Variants in SPATA6L observed in about 807,000 individuals in gnomAD.
SPATA6L encodes the protein spermatogenesis associated 6-like protein.
Under a neutral mutation model 49.2 loss-of-function variants are expected in SPATA6L, and 68 were observed. The ratio of observed to expected loss-of-function variants is 1.38; its 90% CI spans 1.14 to 1.69. The LOEUF (loss-of-function observed/expected upper bound fraction) is 1.69, where lower values mean the gene tolerates loss of function less well. Ranked by LOEUF, SPATA6L falls within the 40% of genes most tolerant of loss-of-function variation. SPATA6L has a pLI of 0.00. For missense variants in SPATA6L, 668 were observed against 464.3 expected (o/e 1.44, Z -4.03); for synonymous variants, 198 against 165.7 (o/e 1.19, Z -1.50).
rs1824536361 is a variant in SPATA6L at position 4,605,446 on chromosome 9, C to T, written c.996-6G>A. ...ACTGAGAACCAGGATGGAACCTGCT[C>T]AACAGATGGAACAGGGTGGAATATT... On this transcript the variant is annotated splice_polypyrimidine_tract_variant and splice_region_variant and intron_variant, in intron 9 of 11. Coordinates refer to ENST00000682582, the MANE Select transcript of SPATA6L (RefSeq NM_001353486.2). 1 of 1,608,256 alleles carries T rather than the reference C, an allele frequency of 6.2e-7. No individual in the cohort carries two copies. Among genetic ancestry groups the T allele is most frequent in the Non-Finnish European group, 8.5e-7 (1 of 1,174,726 alleles).
At chr9:4,637,630 C>T (rs12347224) in intron 3 of SPATA6L, among the ~76,000 whole-genome samples, 2,738 of 152,276 alleles carry the variant, frequency 0.018, 91 homozygotes, top group African/African-American at 0.057. Flanking sequence ...AACAAGCCCC[C>T]TGAAATATCA....
chr9:4,592,715 C>G (rs932771303), intron 13 of SPATA6L, among the ~76,000 whole-genome samples: 6 of 152,208 alleles, frequency 3.9e-5, no homozygotes, highest in Non-Finnish European at 7.3e-5. Flanking sequence ...ATAGTTAATA[C>G]TGCATTGTAT....
intron 3 of SPATA6L, among the ~76,000 whole-genome samples, chr9:4,647,047 T>G (rs1835548617): frequency 6.6e-6 from 1 of 151,072 alleles, no homozygotes; most frequent in African/African-American, 2.4e-5. Flanking sequence ...AACCTGCACA[T>G]ATACCCCTAA....
chr9:4,650,562 C>A (rs1196483925), intron 3 of SPATA6L, among the ~76,000 whole-genome samples: 1 of 152,088 alleles, frequency 6.6e-6, no homozygotes, highest in African/African-American at 2.4e-5. Flanking sequence ...AACTGACAAA[C>A]CTTTAGCTAC....
intron 4 of SPATA6L, among the ~76,000 whole-genome samples, chr9:4,631,705 T>C (rs563337216): frequency 2.0e-5 from 3 of 152,232 alleles, no homozygotes; most frequent in Non-Finnish European, 4.4e-5. Flanking sequence ...GTCTCACATA[T>C]ATGTAATTCA....
At chr9:4,657,343 T>A (rs942103741) in intron 2 of SPATA6L, among the ~76,000 whole-genome samples, 1 of 152,108 alleles carries the variant, frequency 6.6e-6, no homozygotes, top group Non-Finnish European at 1.5e-5. Flanking sequence ...TTGTTATGGG[T>A]TGAATTGTGT....
intron 11 of SPATA6L, among the ~76,000 whole-genome samples, chr9:4,602,984 G>C (rs1823740318): frequency 6.6e-6 from 1 of 152,158 alleles, no homozygotes; most frequent in South Asian, 2.1e-4. Flanking sequence ...AAGGAAGAGC[G>C]ATTATTATTC....
At chr9:4,637,093 C>G (rs1414123846) in intron 3 of SPATA6L, among the ~76,000 whole-genome samples, 1 of 152,314 alleles carries the variant, frequency 6.6e-6, no homozygotes, top group Non-Finnish European at 1.5e-5. Flanking sequence ...TTTCAAGACT[C>G]TATATAATCA....
chr9:4,626,796 C>A, intron 5 of SPATA6L: 2 of 227,436 alleles, frequency 8.8e-6, no homozygotes, highest in South Asian at 6.3e-5. Flanking sequence ...TACTATGAAG[C>A]CATGAAAAAT....
At chr9:4,645,781 T>C (rs1835247056) in intron 3 of SPATA6L, among the ~76,000 whole-genome samples, 1 of 152,080 alleles carries the variant, frequency 6.6e-6, no homozygotes, top group Non-Finnish European at 1.5e-5. Context: ...ATATGAAATG[T>C]CTAGAATGAG....
downstream of SPATA6L, among the ~76,000 whole-genome samples, chr9:4,594,222 T>C (rs1414854085): frequency 6.6e-6 from 1 of 152,204 alleles, no homozygotes; most frequent in Non-Finnish European, 1.5e-5. Flanking sequence ...GTTTTTTGTT[T>C]TTTGTTTTTC....
chr9:4,590,225 G>A (rs1268131669), intron 13 of SPATA6L, among the ~76,000 whole-genome samples: 1 of 152,146 alleles, frequency 6.6e-6, no homozygotes, highest in African/African-American at 2.4e-5. Context: ...TGCCTGGCTG[G>A]GAACAAAATA....
intron 3 of SPATA6L, among the ~76,000 whole-genome samples, chr9:4,648,663 G>A (rs570038070): frequency 2.0e-5 from 3 of 146,916 alleles, no homozygotes; most frequent in South Asian, 2.1e-4. Context: ...TTGCGCCACT[G>A]CACTCCAGCC....
In SPATA6L at chr9:4,647,068, T is replaced by TA. The variant is rs141244138; in HGVS notation, c.226+8972dup. On this transcript the variant is annotated intron_variant, in intron 3 of 11. Coordinates refer to ENST00000682582, the MANE Select transcript of SPATA6L (RefSeq NM_001353486.2). ...CACATATACCCCTAAACCTAAAAGT[T>TA]AAAAAAAAAAGCATTTCACCTCCTG... is the stretch of plus-strand genomic sequence containing the variant. 0.014 allele frequency among the ~76,000 whole-genome samples: 1,990 copies of TA among 141,004 alleles called. 112 individuals are homozygous for TA. The East Asian group carries it at 0.19, about 13-fold the overall frequency. The allele number at this position is 141,004 out of a possible 152,430, so 92.5% of individuals were successfully genotyped here. A position where few individuals can be genotyped will look rare whatever the true frequency, so the allele number is the denominator to read the frequency against.
At chr9:4,645,993 G>T (rs554628635) in intron 3 of SPATA6L, among the ~76,000 whole-genome samples, 7 of 152,052 alleles carry the variant, frequency 4.6e-5, no homozygotes, top group East Asian at 1.9e-4. Context: ...GATTTAAATC[G>T]CAATAAAAAA....
intron 5 of SPATA6L, chr9:4,627,370 C>A (rs1830550523): frequency 6.2e-6 from 1 of 162,222 alleles, no homozygotes; most frequent in Non-Finnish European, 1.4e-5. Flanking sequence ...TCATTGGTCT[C>A]CCATTATATG....
chr9:4,610,398 A>G (rs969041629), intron 9 of SPATA6L, among the ~76,000 whole-genome samples: 18 of 145,952 alleles, frequency 1.2e-4, no homozygotes, highest in South Asian at 1.2e-3. Flanking sequence ...TTCAAACTAT[A>G]CTACAAGGCT....
chr9:4,597,520 T>A (rs985579631), downstream of SPATA6L, among the ~76,000 whole-genome samples: 1 of 152,186 alleles, frequency 6.6e-6, no homozygotes, highest in African/African-American at 2.4e-5. Flanking sequence ...CTGCACCATG[T>A]AAAAGCTCCT....
intron 9 of SPATA6L, among the ~76,000 whole-genome samples, chr9:4,607,039 T>A (rs1825428031): frequency 6.7e-6 from 1 of 150,358 alleles, no homozygotes; most frequent in Middle Eastern, 3.2e-3. Flanking sequence ...GAAGAAAGGG[T>A]ATCAGCGATG....
Sources: gnomAD v4.1 joint callset for allele counts (sites outside exome capture counted in the v4.1 genomes callset) on GRCh38, gnomAD v4.1.1 for gene constraint, MANE v1.5 for transcripts, NCBI Gene and HGNC (gene_info 2026-07-23, HGNC 2026-07-21) for gene names.